CSGALNACT1: variants seen among roughly 807,000 people sequenced by gnomAD.
The protein encoded by CSGALNACT1 is chondroitin sulfate N-acetylgalactosaminyltransferase 1, also known as beta4GalNAcT-1.
Under a neutral mutation model 51.0 loss-of-function variants are expected in CSGALNACT1, and 52 were observed. That is an observed-to-expected ratio of 1.02 (90% CI 0.82 to 1.29). The LOEUF is 1.29. Ranked by LOEUF, CSGALNACT1 falls within the 50% of genes most tolerant of loss-of-function variation. The pLI, the probability that CSGALNACT1 is intolerant of heterozygous loss-of-function variation, is 0.00. For synonymous variants in CSGALNACT1, 341 were observed against 254.4 expected (o/e 1.34, Z -3.24); for missense variants, 935 against 679.2 (o/e 1.38, Z -4.19).
At chr8:19,570,316 A>G (rs1209578646) in intron 3 of CSGALNACT1, among the ~76,000 whole-genome samples, 1 of 152,300 alleles carries the variant, frequency 6.6e-6, no homozygotes, top group East Asian at 1.9e-4. Flanking sequence ...TTCTTTAAGC[A>G]TATTTTTGCT....
intron 1 of CSGALNACT1, among the ~76,000 whole-genome samples, chr8:19,670,228 C>T (rs983924640): frequency 6.6e-6 from 1 of 152,104 alleles, no homozygotes; most frequent in Admixed American, 6.6e-5. Flanking sequence ...TTTAAATGAC[C>T]TCCACAGTCT....
Position 19,408,702 on chromosome 8 carries a change from A to G in CSGALNACT1, c.1228-8T>C, listed in dbSNP as rs747064902. 6.2e-7 allele frequency: 1 copy of G among 1,613,494 alleles called. No individual in the cohort carries two copies. The highest frequency in any genetic ancestry group is 8.5e-7 in the Non-Finnish European group (1 of 1,179,602). ...AGTTTCCTTCTTTATGACCTGCAAG[A>G]AAAGCACTGTCATTTGAGGGGAAAG... On this transcript the variant is annotated splice_polypyrimidine_tract_variant and splice_region_variant and intron_variant, in intron 8 of 9. Coordinates refer to ENST00000454498, the Ensembl canonical transcript of CSGALNACT1.
At chr8:19,661,743 G>C (rs540474172) in intron 1 of CSGALNACT1, among the ~76,000 whole-genome samples, 1 of 152,278 alleles carries the variant, frequency 6.6e-6, no homozygotes, top group Admixed American at 6.5e-5. Flanking sequence ...GAATCCAGAA[G>C]GTCAGGTAAG....
At chr8:19,434,342 A>G (rs1172526321) in intron 6 of CSGALNACT1, among the ~76,000 whole-genome samples, 1 of 152,292 alleles carries the variant, frequency 6.6e-6, no homozygotes, top group African/African-American at 2.4e-5. Flanking sequence ...AAGCTATAAG[A>G]ATAGTATAAT....
At chr8:19,459,116 T>A (rs58551730) in intron 4 of CSGALNACT1, among the ~76,000 whole-genome samples, 54,123 of 151,966 alleles carry the variant, frequency 0.36, 10,916 homozygotes, top group East Asian at 0.85. Context: ...CTGGGCGCAG[T>A]GGCTCATGCC....
At chr8:19,606,257 A>G (rs1038591257), upstream of CSGALNACT1, among the ~76,000 whole-genome samples, 1 of 152,232 alleles carries the variant, frequency 6.6e-6, no homozygotes, top group Non-Finnish European at 1.5e-5. Flanking sequence ...AATTTTATAT[A>G]TACACAAAAT....
chr8:19,688,009 G>A (rs767328017), intron 1 of CSGALNACT1, among the ~76,000 whole-genome samples: 7 of 152,256 alleles, frequency 4.6e-5, no homozygotes, highest in Non-Finnish European at 1.0e-4. Context: ...ACAATTTACC[G>A]TTTAGAATCT....
At chr8:19,566,526 G>A (rs2041942152) in intron 3 of CSGALNACT1, among the ~76,000 whole-genome samples, 1 of 152,142 alleles carries the variant, frequency 6.6e-6, no homozygotes, top group Non-Finnish European at 1.5e-5. Flanking sequence ...CTTAATATGT[G>A]CTACACATTA....
intron 4 of CSGALNACT1, among the ~76,000 whole-genome samples, chr8:19,496,063 G>A (rs987206144): frequency 2.0e-5 from 3 of 152,180 alleles, no homozygotes; most frequent in Non-Finnish European, 4.4e-5. Context: ...AGAGGGGGCT[G>A]ATTCAACACC....
intron 4 of CSGALNACT1, among the ~76,000 whole-genome samples, chr8:19,462,037 G>A (rs113236370): frequency 2.1e-4 from 32 of 150,820 alleles, no homozygotes; most frequent in Non-Finnish European, 3.7e-4. Flanking sequence ...CACATTCGCC[G>A]TGGAGGGTGT....
chr8:19,452,901 C>T (rs1318016197), intron 5 of CSGALNACT1, among the ~76,000 whole-genome samples: 1 of 152,180 alleles, frequency 6.6e-6, no homozygotes, highest in African/African-American at 2.4e-5. Context: ...TCCTCTCCTC[C>T]ACCCAGCTTT....
intron 9 of CSGALNACT1, among the ~76,000 whole-genome samples, chr8:19,406,799 A>G (rs1367967469): frequency 7.9e-5 from 12 of 152,012 alleles, no homozygotes; most frequent in Admixed American, 7.9e-4. Flanking sequence ...ATCTCCACCT[A>G]CTGGGTTCAA....
At chr8:19,417,782 G>T (rs2057170680) in intron 8 of CSGALNACT1, among the ~76,000 whole-genome samples, 1 of 152,164 alleles carries the variant, frequency 6.6e-6, no homozygotes, top group Non-Finnish European at 1.5e-5. Context: ...TCTCCCCGCA[G>T]GAAAAAATCA....
chr8:19,579,013 G>C (rs2044944217), intron 3 of CSGALNACT1, among the ~76,000 whole-genome samples: 1 of 152,084 alleles, frequency 6.6e-6, no homozygotes. Context: ...CCAGTAATGA[G>C]TCACAGCACC....
chr8:19,678,810 C>T (rs1174231557), intron 1 of CSGALNACT1: 1 of 152,106 alleles, frequency 6.6e-6, no homozygotes, highest in South Asian at 2.1e-4. Flanking sequence ...GAGGAGGCAT[C>T]CAAAAGGACA....
At chr8:19,651,789 A>T (rs2057825051) in intron 1 of CSGALNACT1, among the ~76,000 whole-genome samples, 1 of 152,174 alleles carries the variant, frequency 6.6e-6, no homozygotes, top group Admixed American at 6.6e-5. Flanking sequence ...CAGTAATGAG[A>T]TTACTGGGTT....
chr8:19,702,155 T>C (rs1024726540), intron 1 of CSGALNACT1, among the ~76,000 whole-genome samples: 2 of 152,054 alleles, frequency 1.3e-5, no homozygotes, highest in Admixed American at 6.5e-5. Flanking sequence ...CACACCACCA[T>C]TGCAAGATGA....
At chr8:19,512,489 A>G (rs1000546968) in intron 3 of CSGALNACT1, among the ~76,000 whole-genome samples, 7 of 152,232 alleles carry the variant, frequency 4.6e-5, no homozygotes, top group African/African-American at 1.7e-4. Flanking sequence ...ATAGATAACT[A>G]ATTCACAGGG....
intron 4 of CSGALNACT1, among the ~76,000 whole-genome samples, chr8:19,476,392 C>T (rs1220174591): frequency 6.6e-6 from 1 of 152,146 alleles, no homozygotes; most frequent in Non-Finnish European, 1.5e-5. Flanking sequence ...AGGTGCCCAC[C>T]ACCACGCCTG....
Sources: allele counts gnomAD v4.1 joint callset (sites outside exome capture counted in the v4.1 genomes callset), GRCh38; gene constraint gnomAD v4.1.1; transcripts MANE v1.5; gene names NCBI Gene and HGNC (gene_info 2026-07-23, HGNC 2026-07-21).